The following CA5B variants were observed in gnomAD, a reference collection of about 807,000 sequenced individuals.
CA5B encodes carbonic anhydrase 5B, also known as carbonic anhydrase 5B, mitochondrial.
Under a neutral mutation model 23.1 loss-of-function variants are expected in CA5B, and 15 were observed. That is an observed-to-expected ratio of 0.65 (90% confidence interval 0.43 to 1.00). CA5B has a LOEUF of 1.00. Ranked by LOEUF, CA5B falls within the 50% of genes least tolerant of loss-of-function variation. CA5B has a pLI of 0.00. For synonymous variants in CA5B, 84 were observed against 98.5 expected, an observed-to-expected ratio of 0.85 and a Z score of 0.87; for missense variants, 236 against 252.2, an observed-to-expected ratio of 0.94 and a Z score of 0.43.
intron 7 of CA5B, among the ~76,000 whole-genome samples, chrX:15,778,487 C>A (rs1447537273): frequency 9.0e-6 from 1 of 111,696 alleles, no homozygotes; most frequent in Non-Finnish European, 1.9e-5. Context: ...ATAGCGTGTT[C>A]CTGGCACATG....
chrX:15,759,960 G>A (rs1283074111), intron 2 of CA5B, among the ~76,000 whole-genome samples: 1 of 108,164 alleles, frequency 9.2e-6, no homozygotes, highest in Non-Finnish European at 1.9e-5. Context: ...CACCATGTTG[G>A]CCAGGCTGGT....
chrX:15,764,500 C>G (rs760968012), intron 2 of CA5B, 78 bp from the exon 3 acceptor site: 1 of 1,176,994 alleles, frequency 8.5e-7, no homozygotes, highest in South Asian at 1.9e-5. Context: ...TTGGCCTCCC[C>G]AAGTGCTGGG....
At chrX:15,765,397 A>C (rs1257323178) in intron 3 of CA5B, 2 of 126,980 alleles carry the variant, frequency 1.6e-5, no homozygotes, top group Non-Finnish European at 3.0e-5. Context: ...CCTGGATGTA[A>C]ACTAATGTGA....
At chrX:15,775,117 A>T in intron 5 of CA5B, 129 bp from the exon 6 acceptor site, 1 of 411,200 alleles carries the variant, frequency 2.4e-6, no homozygotes. Context: ...TACAAGTTTA[A>T]GTGTAATTTC....
intron 2 of CA5B, among the ~76,000 whole-genome samples, chrX:15,750,740 G>A (rs1026979621): frequency 8.9e-6 from 1 of 112,078 alleles, no homozygotes; most frequent in Non-Finnish European, 1.9e-5. Flanking sequence ...CTGTAAGGAT[G>A]GAAGATTGAG....
At chrX:15,766,566 A>G (rs189913671) in intron 3 of CA5B, among the ~76,000 whole-genome samples, 66 of 110,940 alleles carry the variant, frequency 5.9e-4, no homozygotes, top group African/African-American at 2.0e-3. Flanking sequence ...TAAATTTTAT[A>G]TTTGTGAATT....
intron 1 of CA5B, among the ~76,000 whole-genome samples, chrX:15,745,286 G>A (rs865787597): frequency 6.9e-4 from 77 of 112,098 alleles, no homozygotes; most frequent in Middle Eastern, 4.7e-3. Context: ...CTTACGTGGG[G>A]TATCTAGAAT....
Position 15,783,457 on chromosome X carries a change from T to C in CA5B, c.*793T>C, listed in dbSNP as rs922933853. 2 of 111,839 alleles carry C rather than the reference T, an allele frequency of 1.8e-5. No homozygotes were observed. Among genetic ancestry groups the C allele is most frequent in the Non-Finnish European group, 3.8e-5 (2 of 53,192 alleles). 9.2% of individuals were successfully genotyped at this position (111,839 alleles called of 1,213,427 possible). On this transcript the variant is annotated 3_prime_UTR_variant, in exon 8 of 8. Coordinates refer to ENST00000318636, the MANE Select transcript of CA5B (RefSeq NM_007220.4). ...ATTTCCGAAGATCAGATATTTTGCT[T>C]AAAGGTCTGATCATATAGGAAATAT...
intron 2 of CA5B, among the ~76,000 whole-genome samples, chrX:15,755,595 T>C (rs1931471806): frequency 8.9e-6 from 1 of 112,051 alleles, no homozygotes; most frequent in African/African-American, 3.2e-5. Context: ...TGCTTTCCGG[T>C]AGATAAATAA....
chrX:15,750,318 C>T (rs1931331566), intron 2 of CA5B, 153 bp downstream of exon 2: 1 of 448,835 alleles, frequency 2.2e-6, no homozygotes, highest in African/African-American at 2.4e-5. Flanking sequence ...ACATGTTAAA[C>T]ATTTGTAGCT....
At chrX:15,759,717 C>G (rs1931561145) in intron 2 of CA5B, among the ~76,000 whole-genome samples, 1 of 94,906 alleles carries the variant, frequency 1.1e-5, no homozygotes, top group Admixed American at 1.2e-4. Context: ...TGCCCATCAG[C>G]TAGAAATTAC....
intron 2 of CA5B, among the ~76,000 whole-genome samples, chrX:15,756,978 C>A (rs1191612744): frequency 9.7e-6 from 1 of 103,369 alleles, no homozygotes; most frequent in Non-Finnish European, 2.0e-5. Context: ...TGGCAGGAAC[C>A]GGGGAGGCAG....
chrX:15,738,515 G>A (rs895535826), intron 1 of CA5B, among the ~76,000 whole-genome samples, 163 bp downstream of exon 1: 3 of 111,068 alleles, frequency 2.7e-5, no homozygotes, highest in Non-Finnish European at 3.8e-5. Context: ...GGGCGCCCGG[G>A]AGTACTGAGT....
At position 15,750,014 on chromosome X, in the gene CA5B, C is replaced by G; in HGVS notation, c.-10C>G. The G allele has an allele frequency of 8.3e-7, 1 of 1,209,031 alleles. No homozygotes were observed. On this transcript the variant is annotated 5_prime_UTR_variant, in exon 2 of 8. Transcript: ENST00000318636. ...CTTAACTGGGAACTGATCAAGATTT[C>G]AAGCTAAAGATGGTGGTGATGAACA...
intron 7 of CA5B, among the ~76,000 whole-genome samples, chrX:15,780,427 C>T (rs1932001548): frequency 9.1e-6 from 1 of 110,286 alleles, no homozygotes; most frequent in Non-Finnish European, 1.9e-5. Flanking sequence ...CGCCCGCCAC[C>T]ACGCCTGGCT....
intron 3 of CA5B, among the ~76,000 whole-genome samples, chrX:15,767,897 C>A (rs1170086034): frequency 1.9e-5 from 1 of 52,265 alleles, no homozygotes; most frequent in Non-Finnish European, 3.3e-5. Context: ...TGCACCTGGC[C>A]TTTTTTTTTT....
intron 2 of CA5B, among the ~76,000 whole-genome samples, chrX:15,752,607 C>T (rs1931390746): frequency 9.0e-6 from 1 of 110,812 alleles, no homozygotes; most frequent in Non-Finnish European, 1.9e-5. Flanking sequence ...CGCCTGCAGT[C>T]CCAGCTACTA....
intron 1 of CA5B, among the ~76,000 whole-genome samples, chrX:15,738,626 C>A (rs1016432182): frequency 9.0e-6 from 1 of 110,962 alleles, no homozygotes; most frequent in Non-Finnish European, 1.9e-5. Flanking sequence ...GCACAGGACG[C>A]GATAACAGCT....
chrX:15,781,716 C>A (rs1252357370), intron 7 of CA5B, among the ~76,000 whole-genome samples: 1 of 110,927 alleles, frequency 9.0e-6, no homozygotes, highest in Non-Finnish European at 1.9e-5. Context: ...AGTTCAAGAC[C>A]AGCCTGGGCT....
Sources: allele counts gnomAD v4.1 joint callset (sites outside exome capture counted in the v4.1 genomes callset), GRCh38; gene constraint gnomAD v4.1.1; transcripts MANE v1.5; gene names NCBI Gene and HGNC (gene_info 2026-07-23, HGNC 2026-07-21).